Variants in SCGB2B2 observed in about 807,000 individuals in gnomAD.
SCGB2B2 encodes the protein secretoglobin family 2B member 2, also known as secretoglobin-like protein.
Under a neutral mutation model 7.6 loss-of-function variants are expected in SCGB2B2, and 11 were observed. The ratio of observed to expected loss-of-function variants is 1.45; its 90% CI spans 0.91 to 2.40. The LOEUF is 2.40. Ranked by LOEUF, SCGB2B2 falls within the 30% of genes most tolerant of loss-of-function variation. The pLI is 0.00. For missense variants in SCGB2B2, 104 were observed against 115.4 expected, an observed-to-expected ratio of 0.90 and a Z score of 0.45; for synonymous variants, 50 against 48.6, an observed-to-expected ratio of 1.03 and a Z score of -0.12.
Position 34,594,353 on chromosome 19 carries a change from GCA to G in SCGB2B2, c.66_67del (p.Ala23LeufsTer6), listed in dbSNP as rs747626975. ...AAGCAGTTTATCGATATCCAGGCAG[GCA>G]TCCCCTGTGGAGGATGAGGTGAGAT... On this transcript the variant is annotated frameshift_variant, in exon 3 of 4. Coordinates refer to ENST00000601241, the MANE Select transcript of SCGB2B2 (RefSeq NM_001025591.4). LOFTEE classifies it high-confidence loss of function. 1.9e-6 allele frequency: 3 copies of G among 1,613,690 alleles called. No homozygotes were observed. The highest frequency in any genetic ancestry group is 2.5e-6 in the Non-Finnish European group (3 of 1,179,752).
chr19:34,633,224 T>A (rs1212197751), intron 1 of SCGB2B2, among the ~76,000 whole-genome samples: 1 of 152,200 alleles, frequency 6.6e-6, no homozygotes, highest in East Asian at 1.9e-4. Flanking sequence ...TTCTCTGTGT[T>A]GTCACTTAGT....
At chr19:34,617,216 T>G (rs866111755) in intron 1 of SCGB2B2, among the ~76,000 whole-genome samples, 14 of 152,158 alleles carry the variant, frequency 9.2e-5, no homozygotes, top group Admixed American at 3.3e-4. Flanking sequence ...TTCCAATTCT[T>G]TGAAGAAAGT....
chr19:34,646,819 G>A (rs192240728), intron 1 of SCGB2B2: 89 of 152,022 alleles, frequency 5.9e-4, no homozygotes, highest in Non-Finnish European at 9.0e-4. Flanking sequence ...GTATTCTGGC[G>A]TCTCTGTGGG....
intron 1 of SCGB2B2, among the ~76,000 whole-genome samples, chr19:34,657,514 A>G (rs1013395398): frequency 6.6e-5 from 10 of 151,996 alleles, no homozygotes; most frequent in African/African-American, 2.4e-4. Context: ...AGGCCACTAC[A>G]TAATGGTAAA....
Position 34,665,280 on chromosome 19 carries a change from C to G in SCGB2B2, c.-2032+10350G>C, listed in dbSNP as rs2067583893. Among the ~76,000 whole-genome samples, 4 of 152,218 alleles carry G rather than the reference C, an allele frequency of 2.6e-5. No individual in the cohort carries two copies. The South Asian group carries it at 8.3e-4, about 31-fold the overall frequency. On this transcript the variant is annotated intron_variant, in intron 1 of 3. Coordinates refer to ENST00000601241, the MANE Select transcript of SCGB2B2 (RefSeq NM_001025591.4). ...GACCACAGTGATGACAAGGGAGGCC[C>G]TTCCTAAGCCTAGAGATGGTCTAAA...
At chr19:34,675,167 C>T (rs1225039467) in intron 1 of SCGB2B2, among the ~76,000 whole-genome samples, 1 of 152,124 alleles carries the variant, frequency 6.6e-6, no homozygotes, top group Non-Finnish European at 1.5e-5. Context: ...AGAGTGTTGG[C>T]AGTAAGAGTT....
rs182994475 is a variant in SCGB2B2, at chr19:34,647,425, G to A, written c.-2032+28205C>T. On this transcript the variant is annotated intron_variant, in intron 1 of 3. Transcript: ENST00000601241. ...CCACCTGTGCCCATCAGCCCACACT[G>A]CCCTAAACTCCTCTGTCTCCCTCCC... is the stretch of plus-strand genomic sequence containing the variant. Among the ~76,000 whole-genome samples the A allele has an allele frequency of 2.6e-5, 4 of 152,242 alleles. No individual in the cohort carries two copies. In the East Asian group the frequency reaches 7.7e-4, roughly 29 times the overall value.
intron 1 of SCGB2B2, among the ~76,000 whole-genome samples, chr19:34,620,073 C>T (rs1443405214): frequency 6.6e-6 from 1 of 152,070 alleles, no homozygotes; most frequent in Non-Finnish European, 1.5e-5. Context: ...AGCAAGAAAT[C>T]CTAAATTGCC....
intron 1 of SCGB2B2, among the ~76,000 whole-genome samples, chr19:34,631,625 A>G (rs1220139039): frequency 6.6e-6 from 1 of 152,166 alleles, no homozygotes; most frequent in Non-Finnish European, 1.5e-5. Flanking sequence ...GATCTAAATA[A>G]AGGGAGAGAT....
intron 1 of SCGB2B2, among the ~76,000 whole-genome samples, chr19:34,641,850 G>C: frequency 6.6e-6 from 1 of 152,122 alleles, no homozygotes; most frequent in East Asian, 1.9e-4. Flanking sequence ...ATCTTTCCTA[G>C]TCTAGATCTA....
At chr19:34,609,153 T>TTATAAATG (rs1187007172) in intron 1 of SCGB2B2, among the ~76,000 whole-genome samples, 4 of 152,086 alleles carry the variant, frequency 2.6e-5, no homozygotes, top group African/African-American at 9.6e-5. Flanking sequence ...ATATGCCCAT[T>TTATAAATG]TATACATCAG....
At chr19:34,608,684 T>TATATAC (rs879668084) in intron 1 of SCGB2B2, 18 of 126,654 alleles carry the variant, frequency 1.4e-4, no homozygotes, top group Non-Finnish European at 2.2e-4. Context: ...TATATATATA[T>TATATAC]ACCGTATTTT....
At chr19:34,625,862 C>T (rs553665134) in intron 1 of SCGB2B2, among the ~76,000 whole-genome samples, 1 of 152,184 alleles carries the variant, frequency 6.6e-6, no homozygotes, top group Admixed American at 6.5e-5. Flanking sequence ...AAATGGGAGG[C>T]ACCCACCAGT....
intron 1 of SCGB2B2, among the ~76,000 whole-genome samples, chr19:34,606,781 ATAAAT>A (rs1334524550): frequency 1.3e-5 from 2 of 151,696 alleles, no homozygotes; most frequent in Non-Finnish European, 2.9e-5. Flanking sequence ...CAGTTAATTT[ATAAAT>A]TAAACTTTAT....
intron 1 of SCGB2B2, among the ~76,000 whole-genome samples, chr19:34,627,560 G>A (rs1020288607): frequency 6.6e-6 from 1 of 152,188 alleles, no homozygotes; most frequent in Non-Finnish European, 1.5e-5. Context: ...TCAACAAGAA[G>A]AGCTAACTAT....
chr19:34,635,406 T>C (rs376651996), intron 1 of SCGB2B2: 18 of 311,560 alleles, frequency 5.8e-5, no homozygotes, highest in Middle Eastern at 4.3e-4. Flanking sequence ...GCTTCTGCTG[T>C]AGGCTTTTCC....
intron 1 of SCGB2B2, among the ~76,000 whole-genome samples, chr19:34,600,047 T>A (rs368879131): frequency 1.8e-4 from 27 of 152,214 alleles, no homozygotes; most frequent in Middle Eastern, 3.4e-3. Flanking sequence ...GGTTTTTTTT[T>A]ATTATACTTT....
At chr19:34,610,799 T>TTGTC (rs2065906354) in intron 1 of SCGB2B2, among the ~76,000 whole-genome samples, 1 of 151,510 alleles carries the variant, frequency 6.6e-6, no homozygotes, top group Admixed American at 6.6e-5. Flanking sequence ...GCGTGTGTCC[T>TTGTC]TGTCTGGTTT....
chr19:34,604,652 A>G (rs1348793972), intron 1 of SCGB2B2, among the ~76,000 whole-genome samples: 1 of 152,180 alleles, frequency 6.6e-6, no homozygotes, highest in Non-Finnish European at 1.5e-5. Context: ...ATTTTTATGA[A>G]AATTGCATTG....
Sources: gnomAD v4.1 joint callset for allele counts (sites outside exome capture counted in the v4.1 genomes callset) on GRCh38, gnomAD v4.1.1 for gene constraint, MANE v1.5 for transcripts, NCBI Gene and HGNC (gene_info 2026-07-23, HGNC 2026-07-21) for gene names.